ACTR3C: variants seen among roughly 807,000 people sequenced by gnomAD.
ACTR3C encodes the protein actin related protein 3C.
A neutral mutation model predicts 26.3 loss-of-function variants in ACTR3C; 18 were observed. The ratio of observed to expected loss-of-function variants is 0.68; its 90% confidence interval spans 0.47 to 1.01. The LOEUF (loss-of-function observed/expected upper bound fraction) is 1.01. Ranked by LOEUF, ACTR3C falls within the 50% of genes least tolerant of loss-of-function variation. The pLI, the probability that ACTR3C is intolerant of heterozygous loss-of-function variation, is 0.00. For synonymous variants in ACTR3C, 55 were observed against 94.5 expected (o/e 0.58, Z 2.42); for missense variants, 184 against 250.7 (o/e 0.73, Z 1.80).
the ACTR3C span, among the ~76,000 whole-genome samples, chr7:150,227,707 T>TG: frequency 1.4e-5 from 2 of 145,322 alleles, no homozygotes; most frequent in Non-Finnish European, 1.5e-5. Context: ...TTTTGTTTTT[T>TG]TTTTTTGGTA....
the ACTR3C span, among the ~76,000 whole-genome samples, chr7:150,162,651 G>T: frequency 1.1e-4 from 16 of 152,056 alleles, 1 homozygote; most frequent in African/African-American, 2.9e-4. Context: ...AATTACTTTT[G>T]CACCATCCTA....
intron 6 of ACTR3C, among the ~76,000 whole-genome samples, chr7:150,278,535 C>G (rs965346103): frequency 3.9e-5 from 6 of 152,240 alleles, no homozygotes; most frequent in Admixed American, 1.3e-4. Flanking sequence ...TGCTCAGCAC[C>G]CGCGGTGGGA....
chr7:150,321,569 G>A (rs189649070), intron 1 of ACTR3C, among the ~76,000 whole-genome samples: 226 of 152,104 alleles, frequency 1.5e-3, no homozygotes, highest in African/African-American at 5.2e-3. Flanking sequence ...GCGAAACCCC[G>A]TCTCTACTAA....
chr7:150,314,672 G>C (rs927775847), intron 1 of ACTR3C, among the ~76,000 whole-genome samples: 3 of 151,358 alleles, frequency 2.0e-5, no homozygotes, highest in African/African-American at 7.3e-5. Context: ...GCTGAGCTTG[G>C]TGGCTCATGC....
the ACTR3C span, among the ~76,000 whole-genome samples, chr7:149,963,291 A>C: frequency 6.6e-6 from 1 of 152,190 alleles, no homozygotes; most frequent in African/African-American, 2.4e-5. Context: ...GGTTTAGAAC[A>C]GCCCCACCCT....
chr7:150,023,578 A>G, the ACTR3C span, among the ~76,000 whole-genome samples: 1 of 151,892 alleles, frequency 6.6e-6, no homozygotes, highest in Non-Finnish European at 1.5e-5. Flanking sequence ...AAGCAACAGC[A>G]AGTTTTTCCA....
the ACTR3C span, among the ~76,000 whole-genome samples, chr7:150,032,239 T>C: frequency 6.6e-6 from 1 of 152,146 alleles, no homozygotes; most frequent in South Asian, 2.1e-4. Context: ...GACAGGTAGA[T>C]GAGGTTGCTG....
chr7:150,213,256 T>C, the ACTR3C span, among the ~76,000 whole-genome samples: 2 of 152,052 alleles, frequency 1.3e-5, no homozygotes, highest in African/African-American at 4.8e-5. Flanking sequence ...TGAAGCCAAG[T>C]GTGTGAGAAA....
At chr7:150,207,656 G>T in the ACTR3C span, among the ~76,000 whole-genome samples, 2 of 151,940 alleles carry the variant, frequency 1.3e-5, no homozygotes, top group Non-Finnish European at 2.9e-5. Context: ...TACCTCAGTG[G>T]CTGTTGCAAG....
At chr7:150,295,103 T>C (rs1836623866) in intron 2 of ACTR3C, 149 bp downstream of exon 2, 7 of 939,512 alleles carry the variant, frequency 7.5e-6, no homozygotes, top group Non-Finnish European at 1.1e-5. Flanking sequence ...ACCTTCCCTA[T>C]AGTCCTGAAT....
chr7:150,087,182 TAAAAAAAAAAAAA>T, the ACTR3C span, among the ~76,000 whole-genome samples: 5 of 129,402 alleles, frequency 3.9e-5, no homozygotes, highest in African/African-American at 1.5e-4. Flanking sequence ...TGAATTTGTT[TAAAAAAAAAAAAA>T]AAAAAAAAAG....
chr7:150,107,168 A>C, the ACTR3C span, among the ~76,000 whole-genome samples: 1 of 146,096 alleles, frequency 6.8e-6, no homozygotes, highest in Admixed American at 6.7e-5. Context: ...GTTTGTTGTC[A>C]TTTGCTGCCG....
chr7:150,117,403 G>C, the ACTR3C span, among the ~76,000 whole-genome samples: 1 of 152,212 alleles, frequency 6.6e-6, no homozygotes, highest in Non-Finnish European at 1.5e-5. Flanking sequence ...GGGGGGAGGG[G>C]TGATCGCCAT....
At chr7:150,190,117 G>A in the ACTR3C span, among the ~76,000 whole-genome samples, 1 of 152,098 alleles carries the variant, frequency 6.6e-6, no homozygotes, top group Non-Finnish European at 1.5e-5. Flanking sequence ...CTCATAGAGT[G>A]GTATTTCATT....
chr7:149,964,451 T>C, the ACTR3C span, among the ~76,000 whole-genome samples: 3 of 151,932 alleles, frequency 2.0e-5, no homozygotes, highest in Non-Finnish European at 2.9e-5. Context: ...ATAAAAAATA[T>C]AGTGGGAGGG....
the ACTR3C span, among the ~76,000 whole-genome samples, chr7:149,982,602 C>T: frequency 3.0e-4 from 45 of 152,130 alleles, no homozygotes; most frequent in African/African-American, 9.6e-4. Context: ...CATGATTCTG[C>T]CATGGATAAC....
the ACTR3C span, among the ~76,000 whole-genome samples, chr7:150,180,790 G>C: frequency 8.1e-5 from 12 of 148,746 alleles, no homozygotes; most frequent in East Asian, 1.6e-3. Flanking sequence ...GATTACAGGC[G>C]TGAGCCACTG....
intron 3 of ACTR3C, among the ~76,000 whole-genome samples, chr7:150,292,179 A>AC (rs201739045): frequency 0.015 from 2,281 of 150,716 alleles, 21 homozygotes; most frequent in Admixed American, 0.022. Flanking sequence ...ACACAAACAC[A>AC]CCCCCCCATA....
chr7:150,295,227 G>A (rs1836638542), intron 2 of ACTR3C, 25 bp downstream of exon 2: 1 of 1,612,840 alleles, frequency 6.2e-7, no homozygotes, highest in Non-Finnish European at 8.5e-7. Flanking sequence ...GGTGCTTTAG[G>A]AATCACAAAC....
Sources: gnomAD v4.1 joint callset for allele counts (sites outside exome capture counted in the v4.1 genomes callset) on GRCh38, gnomAD v4.1.1 for gene constraint, MANE v1.5 for transcripts, NCBI Gene and HGNC (gene_info 2026-07-23, HGNC 2026-07-21) for gene names.